Variants in TNS3 observed in about 807,000 individuals in gnomAD.
TNS3 encodes tensin 3.
Under a neutral mutation model 140.9 loss-of-function variants are expected in TNS3, and 45 were observed. That is an observed-to-expected ratio of 0.32 (90% CI 0.25 to 0.41). TNS3 has a LOEUF of 0.41. TNS3 is among the 10% of genes least tolerant of loss of function. The pLI is 1.00. For synonymous variants in TNS3, 815 were observed against 788.4 expected, an observed-to-expected ratio of 1.03 and a Z score of -0.56; for missense variants, 1,716 against 1,906.7, an observed-to-expected ratio of 0.90 and a Z score of 1.86.
intron 16 of TNS3, among the ~76,000 whole-genome samples, chr7:47,376,596 G>T (rs1046664658): frequency 1.3e-5 from 2 of 152,060 alleles, no homozygotes; most frequent in Non-Finnish European, 2.9e-5. Flanking sequence ...TAACATTAAC[G>T]ATTTTTTTTA....
intron 1 of TNS3, chr7:47,539,599 TCTC>T (rs1191264436): frequency 6.0e-6 from 1 of 165,402 alleles, no homozygotes; most frequent in Non-Finnish European, 1.3e-5. Flanking sequence ...AGTTTCCCAT[TCTC>T]CTTTCTGGCT....
chr7:47,394,031 T>C (rs2462634), intron 16 of TNS3, among the ~76,000 whole-genome samples: 102,628 of 151,878 alleles, frequency 0.68, 34,855 homozygotes, highest in East Asian at 0.82. Context: ...ACACAATCCA[T>C]AGCAGTCTCC....
At chr7:47,389,072 G>GAGA (rs1792302752) in intron 16 of TNS3, among the ~76,000 whole-genome samples, 2 of 70,030 alleles carry the variant, frequency 2.9e-5, no homozygotes, top group African/African-American at 1.3e-4. Flanking sequence ...AGAAGAAGAA[G>GAGA]AAGAAGAAGA....
intron 16 of TNS3, among the ~76,000 whole-genome samples, chr7:47,393,005 C>G (rs1216757487): frequency 6.6e-6 from 1 of 152,146 alleles, no homozygotes; most frequent in African/African-American, 2.4e-5. Flanking sequence ...GGAAGCCCCT[C>G]TAAGGGAATC....
intron 15 of TNS3, among the ~76,000 whole-genome samples, chr7:47,398,524 G>A (rs1792963622): frequency 6.6e-6 from 1 of 152,000 alleles, no homozygotes; most frequent in African/African-American, 2.4e-5. Flanking sequence ...TTAACATATA[G>A]AAGTCAATAA....
intron 20 of TNS3, among the ~76,000 whole-genome samples, chr7:47,322,213 C>CAAAAA (rs759875153): frequency 0.012 from 585 of 49,642 alleles, 30 homozygotes; most frequent in African/African-American, 0.028. Flanking sequence ...GTAGAACGGG[C>CAAAAA]AAAAAAAAAA....
chr7:47,412,127 A>C (rs1252656066), intron 12 of TNS3, among the ~76,000 whole-genome samples: 2 of 152,166 alleles, frequency 1.3e-5, no homozygotes, highest in Non-Finnish European at 2.9e-5. Context: ...TCAGTTACAA[A>C]CTGAGGGTGC....
At chr7:47,332,450 A>C (rs1339180602) in intron 20 of TNS3, among the ~76,000 whole-genome samples, 1 of 152,162 alleles carries the variant, frequency 6.6e-6, no homozygotes, top group Non-Finnish European at 1.5e-5. Flanking sequence ...AGCGAGGAGG[A>C]GACAAGCCCA....
intron 1 of TNS3, among the ~76,000 whole-genome samples, chr7:47,573,092 T>A (rs1465697216): frequency 6.6e-6 from 1 of 152,208 alleles, no homozygotes; most frequent in East Asian, 1.9e-4. Context: ...CAATGCAGGC[T>A]GGATCTCCAG....
chr7:47,556,141 G>A (rs1800189780), intron 1 of TNS3, among the ~76,000 whole-genome samples: 1 of 152,206 alleles, frequency 6.6e-6, no homozygotes, highest in African/African-American at 2.4e-5. Flanking sequence ...GGAGTTCAGT[G>A]TGTGAATCCC....
intron 16 of TNS3, among the ~76,000 whole-genome samples, chr7:47,389,466 G>A (rs547308308): frequency 3.3e-5 from 5 of 152,206 alleles, no homozygotes; most frequent in Non-Finnish European, 4.4e-5. Context: ...CTTGTGGGCT[G>A]ATTTCTGCAA....
chr7:47,295,138 C>A (rs543739183), intron 24 of TNS3, among the ~76,000 whole-genome samples: 1 of 152,306 alleles, frequency 6.6e-6, no homozygotes, highest in African/African-American at 2.4e-5. Flanking sequence ...AGGCCACCAA[C>A]AACACTCGGT....
chr7:47,517,321 G>A (rs983903614), intron 2 of TNS3, among the ~76,000 whole-genome samples: 2 of 152,098 alleles, frequency 1.3e-5, no homozygotes, highest in African/African-American at 4.8e-5. Context: ...ACAGCGTCCT[G>A]CAGCCCCACG....
intron 10 of TNS3, among the ~76,000 whole-genome samples, chr7:47,415,700 C>A (rs1188629289): frequency 6.6e-6 from 1 of 152,262 alleles, no homozygotes; most frequent in Non-Finnish European, 1.5e-5. Context: ...TCCATACTCC[C>A]CTCCTATCCC....
Position 47,407,301 on chromosome 7 carries a change from C to T in TNS3, c.723+4426G>A, listed in dbSNP as rs867833816. On this transcript the variant is annotated intron_variant, in intron 13 of 30. Coordinates refer to ENST00000311160, the MANE Select transcript of TNS3 (RefSeq NM_022748.12). The surrounding 1 kb of genome is among the most constrained non-coding windows in gnomAD (Gnocchi z 4.1). ...GACACGCTGGAAATCATCTCTCCCA[C>T]CTAACCTTTAGCTCTTGCCGCCGCG... 1.3e-5 allele frequency among the ~76,000 whole-genome samples: 2 copies of T among 152,194 alleles called. No homozygotes were observed.
chr7:47,444,128 T>C (rs930224274), intron 4 of TNS3, among the ~76,000 whole-genome samples: 2 of 152,190 alleles, frequency 1.3e-5, no homozygotes, highest in African/African-American at 4.8e-5. Context: ...AAACTCAGCT[T>C]AACCAGGGTC....
rs1800202062 is a variant in TNS3 at position 47,556,579 on chromosome 7, T to C, written c.-265+25472A>G. 2.0e-5 allele frequency among the ~76,000 whole-genome samples: 3 copies of C among 152,166 alleles called. 1 individual carries two copies. The South Asian group carries it at 6.2e-4, about 32-fold the overall frequency. ...GCGAGCATGATTATTATTTTGTTGGTTGTTTGACTTTTCTTTCCCTAAGCC... is the reference window on the plus strand; with the variant it reads ...GCGAGCATGATTATTATTTTGTTGGCTGTTTGACTTTTCTTTCCCTAAGCC... On this transcript the variant is annotated intron_variant, in intron 1 of 30. Coordinates refer to ENST00000311160, the MANE Select transcript of TNS3 (RefSeq NM_022748.12).
intron 7 of TNS3, among the ~76,000 whole-genome samples, chr7:47,435,828 C>T (rs1795152387): frequency 6.6e-6 from 1 of 152,182 alleles, no homozygotes; most frequent in African/African-American, 2.4e-5. Context: ...GCGGACAACA[C>T]CTCAGAGACA....
At chr7:47,405,748 G>A (rs1793409825) in intron 13 of TNS3, among the ~76,000 whole-genome samples, 1 of 152,166 alleles carries the variant, frequency 6.6e-6, no homozygotes, top group African/African-American at 2.4e-5. Context: ...AGAGTCTCAG[G>A]AGAACACTTT....
Sources: gnomAD v4.1 joint callset for allele counts (sites outside exome capture counted in the v4.1 genomes callset) on GRCh38, gnomAD v4.1.1 for gene constraint, Gnocchi (gnomAD v3.1) non-coding constraint, MANE v1.5 for transcripts, NCBI Gene and HGNC (gene_info 2026-07-23, HGNC 2026-07-21) for gene names.